The following TMCO1 variants were observed in gnomAD, a reference collection of about 807,000 sequenced individuals.
TMCO1 encodes the protein calcium load-activated calcium channel.
Under a neutral mutation model 29.3 loss-of-function variants are expected in TMCO1, and 29 were observed. That is an observed-to-expected ratio of 0.99 (90% CI 0.74 to 1.35). TMCO1 has a LOEUF of 1.35. Among genes scored for constraint, TMCO1 ranks in the 40% most tolerant of loss-of-function variants. TMCO1 has a pLI of 0.00. For missense variants in TMCO1, 173 were observed against 225.5 expected, an observed-to-expected ratio of 0.77 and a Z score of 1.49; for synonymous variants, 80 against 77.1, an observed-to-expected ratio of 1.04 and a Z score of -0.20.
intron 2 of TMCO1, among the ~76,000 whole-genome samples, chr1:165,763,676 T>C (rs1652474803): frequency 1.3e-5 from 2 of 152,216 alleles, no homozygotes; most frequent in African/African-American, 4.8e-5. Context: ...TGGAATGCAG[T>C]GGCCCAATCT....
At chr1:165,755,476 T>C (rs548714338) in intron 3 of TMCO1, among the ~76,000 whole-genome samples, 9 of 151,138 alleles carry the variant, frequency 6.0e-5, no homozygotes, top group Non-Finnish European at 1.3e-4. Flanking sequence ...AGTCCAGGAG[T>C]TCAAGGGCAA....
downstream of TMCO1, chr1:165,726,770 A>G (rs908244646): frequency 1.1e-5 from 5 of 453,616 alleles, no homozygotes; most frequent in Non-Finnish European, 2.2e-5. Context: ...TTGGAATATA[A>G]CCTTTAATAA....
At chr1:165,768,141 C>CTT (rs1558045226) in intron 2 of TMCO1, 51 bp downstream of exon 2, 3 of 1,418,996 alleles carry the variant, frequency 2.1e-6, no homozygotes, top group Admixed American at 3.4e-5. Flanking sequence ...TGAACATGGA[C>CTT]TTAATGAGCT....
At chr1:165,737,750 A>G (rs1020748955) in intron 6 of TMCO1, among the ~76,000 whole-genome samples, 2 of 152,266 alleles carry the variant, frequency 1.3e-5, no homozygotes, top group African/African-American at 4.8e-5. Context: ...TGTCCAATGA[A>G]AATATCCTTC....
intron 2 of TMCO1, among the ~76,000 whole-genome samples, chr1:165,767,759 A>T (rs1348992605): frequency 6.6e-6 from 1 of 152,060 alleles, no homozygotes; most frequent in Admixed American, 6.5e-5. Flanking sequence ...GGCCCACTGT[A>T]GCCTCAATCT....
At chr1:165,725,016 CTCTCTCTCTA>C (rs770596693), downstream of TMCO1, 951 of 161,668 alleles carry the variant, frequency 5.9e-3, 2 homozygotes, top group African/African-American at 0.035. Flanking sequence ...CTCTCTCTCT[CTCTCTCTCTA>C]TATATATATA....
At chr1:165,728,237 G>A in intron 6 of TMCO1, 116 bp from the exon 7 acceptor site, 3 of 730,454 alleles carry the variant, frequency 4.1e-6, no homozygotes, top group Non-Finnish European at 4.8e-6. Context: ...GAACCATTAT[G>A]ACCTGCAATA....
Position 165,768,718 on chromosome 1 carries a change from C to G in TMCO1, c.34G>C (p.Val12Leu), listed in dbSNP as rs778373100. 1 of 1,614,166 alleles carries G rather than the reference C, an allele frequency of 6.2e-7. No individual in the cohort carries two copies. Among genetic ancestry groups the G allele is most frequent in the Admixed American group, 1.7e-5 (1 of 60,024 alleles). The stretch of plus-strand genomic sequence containing the variant: ...AGAGCCGTGCACACAGAGATAAAAA[C>G]GATGAGGAGAGTGTCCGCGAACATA... Reference protein sequence around the residue: ...STMFADTLLIVFISVCTALLA... With the variant: ...STMFADTLLILFISVCTALLA... The change falls in exon 1 of 7, where the codon GTT (valine) becomes CTT (leucine). Residue 12 changes from valine (V) to leucine (L), a missense_variant. Physicochemically the swap from Val to Leu is conservative, Grantham distance 32. Transcript: ENST00000367881.
chr1:165,739,289 A>G (rs932103632), intron 6 of TMCO1, among the ~76,000 whole-genome samples: 1 of 152,176 alleles, frequency 6.6e-6, no homozygotes, highest in African/African-American at 2.4e-5. Context: ...ATCCGCACTG[A>G]AAATGAGCTT....
In TMCO1 at chr1:165,727,062, C is replaced by T. The variant is rs1383923760; in HGVS notation, c.*961G>A. On this transcript the variant is annotated 3_prime_UTR_variant, in exon 7 of 7. Transcript: ENST00000367881. ...AAGACTCCACACAGGACTCCTAATTCCATAGATTATGCGGGGAGGATCATG... is the reference window on the plus strand; with the variant it reads ...AAGACTCCACACAGGACTCCTAATTTCATAGATTATGCGGGGAGGATCATG... 6 of 453,918 alleles carry T rather than the reference C, an allele frequency of 1.3e-5. No homozygotes were observed. In the East Asian group the frequency reaches 4.2e-4, roughly 32 times the overall value. The allele number at this position is 453,918 out of a possible 1,614,324, so 28.1% of individuals were successfully genotyped here.
chr1:165,738,478 AAAC>A (rs143166034), intron 6 of TMCO1, among the ~76,000 whole-genome samples: 2,020 of 152,314 alleles, frequency 0.013, 51 homozygotes, highest in African/African-American at 0.047. Context: ...AAAGCAAATA[AAAC>A]AACAACATGT....
chr1:165,725,823 T>C (rs142178818), downstream of TMCO1: 26 of 472,582 alleles, frequency 5.5e-5, no homozygotes, highest in Non-Finnish European at 9.6e-5. Flanking sequence ...ATCTTTGTTA[T>C]TGTGCTTTTA....
chr1:165,759,579 T>A lies in TMCO1; in HGVS notation c.154A>T (p.Lys52Ter). Reference sequence around the variant, plus strand: ...GACTCTGTTATTGTTTCCTTCTTCTTTTCCACTGTAAACAACATAGTAACA... The same window carrying A: ...GACTCTGTTATTGTTTCCTTCTTCTATTCCACTGTAAACAACATAGTAACA... ...EVEKQSKKLE[K>*]KKETITESAG... Residue 52 changes from lysine (K) to a stop codon, truncating the protein, a stop_gained, in exon 3 of 7, where the codon AAG becomes TAG. Coordinates refer to ENST00000367881, the MANE Select transcript of TMCO1 (RefSeq NM_019026.6). LOFTEE classifies it high-confidence loss of function. 7 of 1,612,676 alleles carry A rather than the reference T, an allele frequency of 4.3e-6. No individual in the cohort carries two copies. The highest frequency in any genetic ancestry group is 5.9e-6 in the Non-Finnish European group (7 of 1,179,044).
intron 5 of TMCO1, among the ~76,000 whole-genome samples, chr1:165,747,680 T>C (rs891449154): frequency 7.2e-5 from 11 of 152,062 alleles, no homozygotes; most frequent in Admixed American, 2.0e-4. Context: ...GGGTAAGGAG[T>C]CTGACTAAAA....
In TMCO1 at chr1:165,736,052, T is replaced by C. The variant is rs1651366143; in HGVS notation, c.468+7115A>G. 3.9e-5 allele frequency among the ~76,000 whole-genome samples: 6 copies of C among 152,160 alleles called. No individual in the cohort carries two copies. In the South Asian group the frequency reaches 1.2e-3, roughly 32 times the overall value. On this transcript the variant is annotated intron_variant, in intron 6 of 6. Coordinates refer to ENST00000367881, the MANE Select transcript of TMCO1 (RefSeq NM_019026.6). ...GTTATGAGGGCTCTGCCCTCTTTAA[T>C]GGGATTGTCCTTTCAAAAAAAAGGT... is the stretch of plus-strand genomic sequence containing the variant.
chr1:165,732,925 A>G (rs181341358), intron 6 of TMCO1, among the ~76,000 whole-genome samples: 12 of 152,340 alleles, frequency 7.9e-5, no homozygotes, highest in Non-Finnish European at 1.5e-4. Context: ...TAAAATAAAG[A>G]AAAATATTCC....
At chr1:165,756,126 A>T (rs989507037) in intron 3 of TMCO1, among the ~76,000 whole-genome samples, 2 of 152,080 alleles carry the variant, frequency 1.3e-5, no homozygotes, top group Non-Finnish European at 2.9e-5. Context: ...TGGGAGTAAT[A>T]CTTAGAACCC....
downstream of TMCO1, chr1:165,726,167 C>T (rs1650881677): frequency 1.0e-5 from 7 of 694,180 alleles, no homozygotes; most frequent in Non-Finnish European, 1.8e-5. Flanking sequence ...TCTTCATTAT[C>T]ATTCGAATTA....
At chr1:165,746,734 C>T (rs1163600482) in intron 5 of TMCO1, among the ~76,000 whole-genome samples, 5 of 152,098 alleles carry the variant, frequency 3.3e-5, no homozygotes, top group East Asian at 3.9e-4. Flanking sequence ...ACTGCAGTAT[C>T]GTTGGTATTT....
Sources: allele counts gnomAD v4.1 joint callset (sites outside exome capture counted in the v4.1 genomes callset), GRCh38; gene constraint gnomAD v4.1.1; transcripts MANE v1.5; gene names NCBI Gene and HGNC (gene_info 2026-07-23, HGNC 2026-07-21).